Variants in LIPC observed in about 807,000 individuals in gnomAD.
The protein encoded by LIPC is hepatic triacylglycerol lipase.
A neutral mutation model predicts 50.7 loss-of-function variants in LIPC; 44 were observed. That is an observed-to-expected ratio of 0.87 (90% CI 0.68 to 1.11). LIPC has a LOEUF of 1.11. Among genes scored for constraint, LIPC ranks in the 50% most tolerant of loss-of-function variants. LIPC has a pLI of 0.00. For synonymous variants in LIPC, 271 were observed against 256.4 expected (o/e 1.06, Z -0.54); for missense variants, 697 against 648.2 (o/e 1.08, Z -0.82).
chr15:58,496,760 A>T (rs75593741), intron 1 of LIPC, among the ~76,000 whole-genome samples: 1 of 141,942 alleles, frequency 7.0e-6, no homozygotes, highest in Admixed American at 7.0e-5. Context: ...AAAAAAAAAA[A>T]TTAAGATGGA....
At chr15:58,523,547 T>C (rs1892715522) in intron 1 of LIPC, among the ~76,000 whole-genome samples, 1 of 115,478 alleles carries the variant, frequency 8.7e-6, no homozygotes, top group African/African-American at 3.4e-5. Context: ...GCTGCAGGGG[T>C]AGGTGAACAG....
intron 1 of LIPC, among the ~76,000 whole-genome samples, chr15:58,463,079 G>T (rs1457509633): frequency 3.3e-5 from 5 of 151,950 alleles, no homozygotes; most frequent in Non-Finnish European, 7.3e-5. Context: ...AGCACTGGGG[G>T]TGTGTGGCTG....
Position 58,471,328 on chromosome 15 carries a change from T to TGGGA in LIPC, c.88+39211_88+39212insAGGG, listed in dbSNP as rs1555399297. 9.6e-5 allele frequency among the ~76,000 whole-genome samples: 11 copies of TGGGA among 114,182 alleles called. 1 individual carries two copies. The highest frequency in any genetic ancestry group is 2.4e-4 in the African/African-American group (7 of 29,384). The allele number at this position is 114,182 out of a possible 152,430, so 74.9% of individuals were successfully genotyped here. On this transcript the variant is annotated intron_variant, in intron 1 of 8. Coordinates refer to ENST00000299022, the MANE Select transcript of LIPC (RefSeq NM_000236.3). Reference sequence around the variant, plus strand: ...ATTTTTTTTGTATTTTTAGTAGAGATGGGGGGGGGTGGTCTCACCATGTTG... The same window carrying TGGGA: ...ATTTTTTTTGTATTTTTAGTAGAGATGGGAGGGGGGGGGTGGTCTCACCATGTTG...
chr15:58,483,253 C>T (rs192670107), intron 1 of LIPC, among the ~76,000 whole-genome samples: 1 of 152,260 alleles, frequency 6.6e-6, no homozygotes, highest in African/African-American at 2.4e-5. Flanking sequence ...CTGTCAAACA[C>T]CAGGTTACTA....
chr15:58,453,164 C>G (rs1003287658), intron 1 of LIPC, among the ~76,000 whole-genome samples: 3 of 152,102 alleles, frequency 2.0e-5, no homozygotes, highest in Admixed American at 2.0e-4. Flanking sequence ...TTCTTCTCCC[C>G]GCTTGGCTGA....
rs185532877 is a variant in LIPC, at chr15:58,456,702, G to A, written c.88+24582G>A. Among the ~76,000 whole-genome samples the A allele has an allele frequency of 2.0e-5, 3 of 152,380 alleles. No individual in the cohort carries two copies. In the East Asian group the frequency reaches 5.8e-4, roughly 29 times the overall value. ...CGCTACCTCATAGCCTCAGGTAGAT[G>A]TCTGGTCTCTCTTTGCAAATGTCCC... On this transcript the variant is annotated intron_variant, in intron 1 of 8. Coordinates refer to ENST00000299022, the MANE Select transcript of LIPC (RefSeq NM_000236.3).
intron 4 of LIPC, among the ~76,000 whole-genome samples, chr15:58,544,164 C>T (rs2140917997): frequency 6.6e-6 from 1 of 152,222 alleles, no homozygotes; most frequent in South Asian, 2.1e-4. Flanking sequence ...AGCAGCCCTC[C>T]CACTGAAGAA....
intron 8 of LIPC, chr15:58,565,114 T>A (rs1251546358): frequency 3.7e-6 from 5 of 1,358,690 alleles, no homozygotes; most frequent in East Asian, 2.5e-5. Context: ...CACTCTGAGA[T>A]TTTATCTCCC....
chr15:58,496,592 G>A (rs1158459335), intron 1 of LIPC, among the ~76,000 whole-genome samples: 3 of 152,112 alleles, frequency 2.0e-5, no homozygotes, highest in African/African-American at 7.2e-5. Flanking sequence ...TCATAAAACA[G>A]AAGATGTCTG....
intron 1 of LIPC, among the ~76,000 whole-genome samples, chr15:58,498,349 C>T (rs973805935): frequency 2.6e-5 from 4 of 152,076 alleles, no homozygotes; most frequent in Non-Finnish European, 5.9e-5. Context: ...GTGATGTTGC[C>T]GCTGCTGGTC....
chr15:58,535,027 T>C (rs1445024153), intron 1 of LIPC, among the ~76,000 whole-genome samples: 1 of 152,220 alleles, frequency 6.6e-6, no homozygotes, highest in Admixed American at 6.5e-5. Context: ...CTCCCAATCT[T>C]ATTTTTATAG....
rs10716717 is a variant in LIPC at position 58,496,743 on chromosome 15, C to CAAAAAAAAAAAAAAAAAAAAAAAAAAAAA, written c.89-41573_89-41572insAAAAAAAAAAAAAAAAAAAAAAAAAAAAA. On this transcript the variant is annotated intron_variant, in intron 1 of 8. Coordinates refer to ENST00000299022, the MANE Select transcript of LIPC (RefSeq NM_000236.3). ...GCCCTGCTACAGAAGTCTTCCCCCT[C>CAAAAAAAAAAAAAAAAAAAAAAAAAAAAA]AAAAAAAAAAAAAAAAATTAAGATG... Among the ~76,000 whole-genome samples the CAAAAAAAAAAAAAAAAAAAAAAAAAAAAA allele has an allele frequency of 1.2e-4, 14 of 114,174 alleles. 1 individual carries two copies. Among genetic ancestry groups the CAAAAAAAAAAAAAAAAAAAAAAAAAAAAA allele is most frequent in the Non-Finnish European group, 1.4e-4 (8 of 56,524 alleles). The allele number at this position is 114,174 out of a possible 152,430, so 74.9% of individuals were successfully genotyped here.
intron 6 of LIPC, among the ~76,000 whole-genome samples, chr15:58,560,320 T>C (rs7181367): frequency 0.95 from 144,380 of 152,192 alleles, 68,692 homozygotes; most frequent in South Asian, 0.99. Flanking sequence ...GAAATACACT[T>C]ATTGAAACTC....
At chr15:58,462,147 C>T (rs1894374749) in intron 1 of LIPC, among the ~76,000 whole-genome samples, 1 of 152,208 alleles carries the variant, frequency 6.6e-6, no homozygotes, top group Admixed American at 6.5e-5. Context: ...GCACTGTGTT[C>T]ATTATGTCTA....
chr15:58,481,160 A>G (rs1891173401), intron 1 of LIPC, among the ~76,000 whole-genome samples: 1 of 152,166 alleles, frequency 6.6e-6, no homozygotes, highest in African/African-American at 2.4e-5. Context: ...AGTTTGCTCC[A>G]TTTCGCTAAA....
chr15:58,556,000 G>A (rs1359057202), intron 6 of LIPC, among the ~76,000 whole-genome samples: 1 of 152,200 alleles, frequency 6.6e-6, no homozygotes, highest in African/African-American at 2.4e-5. Flanking sequence ...ATCCCATCCT[G>A]GGGCTCAGAG....
chr15:58,564,181 C>T (rs550479747), intron 8 of LIPC, among the ~76,000 whole-genome samples: 4 of 71,994 alleles, frequency 5.6e-5, no homozygotes, highest in African/African-American at 1.7e-4. Flanking sequence ...TCTCTGTGGT[C>T]GTATCTTTCA....
At chr15:58,492,235 G>A (rs1298996974) in intron 1 of LIPC, among the ~76,000 whole-genome samples, 1 of 152,112 alleles carries the variant, frequency 6.6e-6, no homozygotes, top group Non-Finnish European at 1.5e-5. Flanking sequence ...GTGAATGGCA[G>A]GTAGGAAAGG....
chr15:58,561,100 A>G, intron 7 of LIPC, 119 bp downstream of exon 7: 1 of 743,988 alleles, frequency 1.3e-6, no homozygotes, highest in South Asian at 1.4e-5. Context: ...CCAGACGCAA[A>G]CCAAAAACTA....
Sources: gnomAD v4.1 joint callset for allele counts (sites outside exome capture counted in the v4.1 genomes callset) on GRCh38, gnomAD v4.1.1 for gene constraint, MANE v1.5 for transcripts, NCBI Gene and HGNC (gene_info 2026-07-23, HGNC 2026-07-21) for gene names.